Variants in TBC1D1 observed in about 807,000 individuals in gnomAD.
TBC1D1 encodes the protein TBC1 domain family member 1, also known as TBC1 (tre-2/USP6, BUB2, cdc16) domain family, member 1.
Under a neutral mutation model 125.6 loss-of-function variants are expected in TBC1D1, and 89 were observed. That is an observed-to-expected ratio of 0.71 (90% CI 0.60 to 0.85). The LOEUF is 0.85. Ranked by LOEUF, TBC1D1 falls within the 40% of genes least tolerant of loss-of-function variation. The pLI is 0.00. For synonymous variants in TBC1D1, 565 were observed against 564.1 expected, an observed-to-expected ratio of 1.00 and a Z score of -0.02; for missense variants, 1,377 against 1,469.2, an observed-to-expected ratio of 0.94 and a Z score of 1.03.
intron 12 of TBC1D1, among the ~76,000 whole-genome samples, chr4:38,057,478 C>T (rs1157080720): frequency 6.6e-6 from 1 of 152,190 alleles, no homozygotes; most frequent in Non-Finnish European, 1.5e-5. Context: ...CAGATTCTTG[C>T]AAACTTAGTG....
intron 8 of TBC1D1, among the ~76,000 whole-genome samples, chr4:38,041,966 G>A (rs1013869345): frequency 2.6e-5 from 4 of 152,120 alleles, no homozygotes; most frequent in Admixed American, 6.5e-5. Context: ...TTAAGGCCAG[G>A]AGTTCGAGAA....
rs536612123 is a variant in TBC1D1, at chr4:37,944,503, G to A, written c.417+41991G>A. On this transcript the variant is annotated intron_variant, in intron 2 of 19. Transcript: ENST00000261439. ...TCCACCCAGTTCGAGCTTCCCGGCCGCTTTGTTTACCTACTCAAGCCTCAG... is the reference window on the plus strand; with the variant it reads ...TCCACCCAGTTCGAGCTTCCCGGCCACTTTGTTTACCTACTCAAGCCTCAG... Among the ~76,000 whole-genome samples, 6 of 152,314 alleles carry A rather than the reference G, an allele frequency of 3.9e-5. No homozygotes were observed. The South Asian group carries it at 6.2e-4, about 16-fold the overall frequency.
At chr4:38,025,543 G>T (rs1744904328) in intron 6 of TBC1D1, among the ~76,000 whole-genome samples, 1 of 152,258 alleles carries the variant, frequency 6.6e-6, no homozygotes, top group South Asian at 2.1e-4. Context: ...CCGAAGCGAA[G>T]AATAAGCTGC....
At chr4:37,938,660 T>A (rs575972526) in intron 2 of TBC1D1, among the ~76,000 whole-genome samples, 2 of 152,284 alleles carry the variant, frequency 1.3e-5, no homozygotes, top group South Asian at 2.1e-4. Context: ...TAGGTATATC[T>A]CCTAATGCTA....
At chr4:37,989,353 A>G (rs897025688) in intron 2 of TBC1D1, among the ~76,000 whole-genome samples, 8 of 152,176 alleles carry the variant, frequency 5.3e-5, no homozygotes, top group African/African-American at 1.7e-4. Context: ...TATGACTTGC[A>G]ACCTCCCCTC....
intron 15 of TBC1D1, among the ~76,000 whole-genome samples, chr4:38,106,802 G>T (rs183099991): frequency 3.3e-5 from 5 of 152,100 alleles, no homozygotes; most frequent in African/African-American, 1.2e-4. Flanking sequence ...AAGGGCCTCG[G>T]CGTGGCTGTG....
chr4:37,900,082 C>G (rs1715545064), intron 1 of TBC1D1, among the ~76,000 whole-genome samples: 1 of 148,598 alleles, frequency 6.7e-6, no homozygotes, highest in African/African-American at 2.5e-5. Flanking sequence ...GATCGCGCCA[C>G]TGCACTCCAG....
chr4:37,919,879 G>A (rs781105672), intron 2 of TBC1D1, among the ~76,000 whole-genome samples: 2 of 152,140 alleles, frequency 1.3e-5, no homozygotes, highest in Non-Finnish European at 2.9e-5. Context: ...TTGGGAGGCC[G>A]AGGGGGGCGG....
In TBC1D1 at chr4:38,111,593, G is replaced by A. The variant is rs183962472; in HGVS notation, c.2558-4117G>A. Among the ~76,000 whole-genome samples the A allele has an allele frequency of 1.5e-3, 223 of 152,266 alleles. 1 individual carries two copies. Among genetic ancestry groups the A allele is most frequent in the African/African-American group, 5.1e-3 (213 of 41,548 alleles). On this transcript the variant is annotated intron_variant, in intron 15 of 19. Coordinates refer to ENST00000261439, the MANE Select transcript of TBC1D1 (RefSeq NM_015173.4). ...AATGTCTGATTTAATAGAATCCGCT[G>A]AATTTTATTTGCTTCATTCATTCTG... is the stretch of plus-strand genomic sequence containing the variant.
chr4:38,022,068 G>T (rs1465197309), intron 6 of TBC1D1, among the ~76,000 whole-genome samples: 2 of 152,186 alleles, frequency 1.3e-5, no homozygotes, highest in Non-Finnish European at 2.9e-5. Flanking sequence ...TATCTAGAAA[G>T]ATAAGAACTA....
chr4:37,908,185 G>T (rs552200813), intron 2 of TBC1D1, among the ~76,000 whole-genome samples: 1 of 152,228 alleles, frequency 6.6e-6, no homozygotes, highest in South Asian at 2.1e-4. Context: ...GGGTAAGTCA[G>T]AGACAGTGTA....
At chr4:37,979,118 G>GC (rs1304885572) in intron 2 of TBC1D1, among the ~76,000 whole-genome samples, 1 of 152,102 alleles carries the variant, frequency 6.6e-6, no homozygotes, top group Non-Finnish European at 1.5e-5. Flanking sequence ...CTGAAGTAAT[G>GC]CCCCCACCTT....
intron 2 of TBC1D1, among the ~76,000 whole-genome samples, chr4:37,975,683 C>T (rs576341602): frequency 5.0e-4 from 76 of 152,330 alleles, no homozygotes; most frequent in Non-Finnish European, 7.1e-4. Flanking sequence ...GGCTCGCACT[C>T]TTGTCTTCTG....
chr4:37,900,572 T>G (rs1715743105), intron 1 of TBC1D1, among the ~76,000 whole-genome samples: 1 of 152,034 alleles, frequency 6.6e-6, no homozygotes, highest in Non-Finnish European at 1.5e-5. Context: ...AACGCCTGCC[T>G]TCATGGAGTT....
At chr4:38,100,687 C>T (rs191935377) in intron 14 of TBC1D1, among the ~76,000 whole-genome samples, 1 of 151,752 alleles carries the variant, frequency 6.6e-6, no homozygotes, top group East Asian at 1.9e-4. Flanking sequence ...TTACAGGGGC[C>T]CTGTATTTCT....
At position 37,919,139 on chromosome 4, in the gene TBC1D1, A is replaced by C. The variant is rs564660277; in HGVS notation, c.417+16627A>C. Among the ~76,000 whole-genome samples the C allele has an allele frequency of 2.6e-5, 4 of 151,408 alleles. No individual in the cohort carries two copies. In the South Asian group the frequency reaches 6.3e-4, roughly 24 times the overall value. On this transcript the variant is annotated intron_variant, in intron 2 of 19. Coordinates refer to ENST00000261439, the MANE Select transcript of TBC1D1 (RefSeq NM_015173.4). ...AGTTTGAAAATGAAAGGTTCAGGAGAAGAAATAACTCAAAGAATTTTAAAG... is the reference window on the plus strand; with the variant it reads ...AGTTTGAAAATGAAAGGTTCAGGAGCAGAAATAACTCAAAGAATTTTAAAG...
intron 2 of TBC1D1, among the ~76,000 whole-genome samples, chr4:37,967,154 G>T (rs1731223124): frequency 6.6e-6 from 1 of 152,102 alleles, no homozygotes; most frequent in African/African-American, 2.4e-5. Context: ...TTCACAAAGA[G>T]CTTCATTTGT....
Position 38,020,644 on chromosome 4 carries a change from T to TGGC in TBC1D1, c.1030_1032dup (p.Gly344dup). 1 of 1,613,290 alleles carries TGGC rather than the reference T, an allele frequency of 6.2e-7. No homozygotes were observed. The highest frequency in any genetic ancestry group is 8.5e-7 in the Non-Finnish European group (1 of 1,179,554). ...TTATCTGTCGGGAGTCTTCCGGAGGTGGCGGCTTTCATTTTGTCTGTTACG... is the reference window on the plus strand; with the variant it reads ...TTATCTGTCGGGAGTCTTCCGGAGGTGGCGGCGGCTTTCATTTTGTCTGTTACG... On this transcript the variant is annotated inframe_insertion, in exon 5 of 20. Transcript: ENST00000261439.
intron 2 of TBC1D1, among the ~76,000 whole-genome samples, chr4:37,974,971 G>A (rs915730201): frequency 6.6e-6 from 1 of 152,186 alleles, no homozygotes; most frequent in African/African-American, 2.4e-5. Flanking sequence ...AGGGTTGGTG[G>A]GTTTTTTCCC....
Sources: gnomAD v4.1 joint callset for allele counts (sites outside exome capture counted in the v4.1 genomes callset) on GRCh38, gnomAD v4.1.1 for gene constraint, MANE v1.5 for transcripts, NCBI Gene and HGNC (gene_info 2026-07-23, HGNC 2026-07-21) for gene names.